Variants in CFAP95 observed in about 807,000 individuals in gnomAD.
The protein encoded by CFAP95 is cilia- and flagella-associated protein 95.
At chr9:69,822,527 C>T in the CFAP95 span, among the ~76,000 whole-genome samples, 2 of 152,310 alleles carry the variant, frequency 1.3e-5, no homozygotes, top group Admixed American at 1.3e-4. Flanking sequence ...TCATAGCTCT[C>T]AAGCAAAACA....
the CFAP95 span, among the ~76,000 whole-genome samples, chr9:69,822,680 T>G: frequency 2.0e-5 from 3 of 152,232 alleles, no homozygotes; most frequent in Admixed American, 6.5e-5. Flanking sequence ...CTTTGAAAAT[T>G]GCATTGTGAA....
the CFAP95 span, among the ~76,000 whole-genome samples, chr9:69,852,165 A>T: frequency 5.1e-4 from 60 of 118,558 alleles, no homozygotes; most frequent in Non-Finnish European, 6.5e-4. Context: ...CTTTGTATAT[A>T]TTTTTTTTTT....
chr9:69,857,419 C>G, the CFAP95 span, among the ~76,000 whole-genome samples: 1 of 152,160 alleles, frequency 6.6e-6, no homozygotes, highest in Admixed American at 6.5e-5. Context: ...GCTAAAAATT[C>G]CATTGACTTG....
chr9:69,855,750 C>T, the CFAP95 span, among the ~76,000 whole-genome samples: 1 of 152,054 alleles, frequency 6.6e-6, no homozygotes, highest in South Asian at 2.1e-4. Context: ...CAAAATGGAC[C>T]CAAAGCATCT....
the CFAP95 span, among the ~76,000 whole-genome samples, chr9:69,867,915 A>G: frequency 6.6e-6 from 1 of 152,236 alleles, no homozygotes; most frequent in African/African-American, 2.4e-5. Context: ...CATGGAACAG[A>G]TAAACCACCC....
At chr9:69,890,966 C>T in the CFAP95 span, among the ~76,000 whole-genome samples, 15 of 152,124 alleles carry the variant, frequency 9.9e-5, no homozygotes, top group African/African-American at 3.4e-4. Flanking sequence ...TTGAACTTCT[C>T]CTCTTAAACT....
chr9:69,891,500 C>CTT, the CFAP95 span, among the ~76,000 whole-genome samples: 25 of 146,176 alleles, frequency 1.7e-4, no homozygotes, highest in Admixed American at 2.0e-4. Context: ...CTATATTCTT[C>CTT]TTTTTTTTTT....
the CFAP95 span, among the ~76,000 whole-genome samples, chr9:69,834,456 A>C: frequency 6.6e-6 from 1 of 152,196 alleles, no homozygotes; most frequent in Non-Finnish European, 1.5e-5. Flanking sequence ...TGGGATTATC[A>C]ATTGCAGTGT....
At chr9:69,870,204 TAATG>T in the CFAP95 span, among the ~76,000 whole-genome samples, 3 of 152,288 alleles carry the variant, frequency 2.0e-5, no homozygotes, top group Admixed American at 2.0e-4. Flanking sequence ...TAGAACCATT[TAATG>T]ACTGCATACT....
the CFAP95 span, among the ~76,000 whole-genome samples, chr9:69,888,262 G>T: frequency 2.0e-5 from 3 of 151,942 alleles, no homozygotes; most frequent in Admixed American, 6.6e-5. Context: ...GGTTTAGGAC[G>T]CCACCTTCAT....
chr9:69,842,668 G>A, the CFAP95 span, among the ~76,000 whole-genome samples: 6 of 152,326 alleles, frequency 3.9e-5, no homozygotes, highest in African/African-American at 1.4e-4. Context: ...GAAAGGTTAA[G>A]TGACTTCCCC....
chr9:69,879,579 TTAACA>T, the CFAP95 span, among the ~76,000 whole-genome samples: 2,786 of 152,288 alleles, frequency 0.018, 90 homozygotes, highest in African/African-American at 0.063. Flanking sequence ...GGACTGGGTT[TTAACA>T]TTAAAATGAG....
At chr9:69,893,799 A>G in the CFAP95 span, among the ~76,000 whole-genome samples, 2 of 152,162 alleles carry the variant, frequency 1.3e-5, no homozygotes, top group Non-Finnish European at 2.9e-5. Flanking sequence ...TTTTAGTGCT[A>G]TTTTATTTGT....
At chr9:69,866,183 G>A in the CFAP95 span, among the ~76,000 whole-genome samples, 1 of 152,272 alleles carries the variant, frequency 6.6e-6, no homozygotes, top group East Asian at 1.9e-4. Context: ...ATTTAGTCAG[G>A]CCAGGCCTTA....
chr9:69,890,949 G>A, the CFAP95 span, among the ~76,000 whole-genome samples: 2 of 152,250 alleles, frequency 1.3e-5, no homozygotes, highest in Middle Eastern at 3.4e-3. Flanking sequence ...ATTGCAACCC[G>A]TTTATTTTGA....
the CFAP95 span, among the ~76,000 whole-genome samples, chr9:69,898,815 T>C: frequency 6.6e-6 from 1 of 152,208 alleles, no homozygotes; most frequent in Non-Finnish European, 1.5e-5. Context: ...TAAACATTTT[T>C]TACTGATGTC....
At chr9:69,866,626 C>G in the CFAP95 span, among the ~76,000 whole-genome samples, 30 of 152,194 alleles carry the variant, frequency 2.0e-4, no homozygotes, top group Admixed American at 1.9e-3. Context: ...TCCACTGATT[C>G]AAAAGCTACT....
the CFAP95 span, among the ~76,000 whole-genome samples, chr9:69,877,410 T>C: frequency 5.3e-5 from 8 of 152,268 alleles, no homozygotes; most frequent in Non-Finnish European, 1.2e-4. Flanking sequence ...TTGGATGGAA[T>C]AATTGCTATC....
chr9:69,902,905 T>G, the CFAP95 span, among the ~76,000 whole-genome samples: 1 of 152,218 alleles, frequency 6.6e-6, no homozygotes, highest in Non-Finnish European at 1.5e-5. Context: ...ATATACGCCC[T>G]GCTCCCTTGG....
Sources: allele counts gnomAD v4.1 joint callset (sites outside exome capture counted in the v4.1 genomes callset), GRCh38; gene constraint gnomAD v4.1.1; transcripts MANE v1.5; gene names NCBI Gene and HGNC (gene_info 2026-07-23, HGNC 2026-07-21).